CYP4F22: variants seen among roughly 807,000 people sequenced by gnomAD.
CYP4F22 encodes the protein ultra-long-chain fatty acid omega-hydroxylase.
In CYP4F22, 37 loss-of-function variants were observed where a neutral mutation model predicts 60.4. The ratio of observed to expected loss-of-function variants is 0.61; its 90% CI spans 0.47 to 0.81. The LOEUF is 0.81. Ranked by LOEUF, CYP4F22 falls within the 30% of genes least tolerant of loss-of-function variation. The pLI is 0.00. For missense variants in CYP4F22, 655 were observed against 715.0 expected, an observed-to-expected ratio of 0.92 and a Z score of 0.96; for synonymous variants, 258 against 280.5, an observed-to-expected ratio of 0.92 and a Z score of 0.80.
intron 10 of CYP4F22, among the ~76,000 whole-genome samples, chr19:15,547,714 T>C (rs777660203): frequency 1.3e-5 from 2 of 151,492 alleles, no homozygotes; most frequent in Non-Finnish European, 2.9e-5. Context: ...TCCCAGCTAC[T>C]TGGGAGGCTG....
intron 4 of CYP4F22, among the ~76,000 whole-genome samples, chr19:15,530,171 C>T (rs1971327489): frequency 6.6e-6 from 1 of 152,180 alleles, no homozygotes; most frequent in African/African-American, 2.4e-5. Flanking sequence ...GTGGCACGCC[C>T]ATCATTTGGT....
In CYP4F22 at chr19:15,525,541, C is replaced by G. The variant is rs1971273613; in HGVS notation, c.205C>G (p.Leu69Val). ...CCAGCCTCCCCGGCGCAACTGGCTG[C>G]TGGGCCACCTGGGCATGGTAAGTGT... ...FPQPPRRNWL[L>V]GHLGMYLPNE... The change falls in exon 3 of 14, where the codon CTG becomes GTG. Residue 69 changes from leucine (L) to valine (V), a missense_variant. Physicochemically the swap from Leu to Val is conservative, Grantham distance 32. This residue lies in a region of CYP4F22 where 430 missense variants were observed against 457.1 expected (regional missense o/e 0.94). Coordinates refer to ENST00000269703, the MANE Select transcript of CYP4F22 (RefSeq NM_173483.4). 6.8e-6 allele frequency: 11 copies of G among 1,608,700 alleles called. No homozygotes were observed. The African/African-American group carries it at 9.3e-5, about 14-fold the overall frequency.
Position 15,537,863 on chromosome 19 carries a change from C to G in CYP4F22, c.550-9C>G, listed in dbSNP as rs1971416265. 6.2e-7 allele frequency: 1 copy of G among 1,613,440 alleles called. No homozygotes were observed. Among genetic ancestry groups the G allele is most frequent in the African/African-American group, 1.3e-5 (1 of 74,924 alleles). On this transcript the variant is annotated splice_polypyrimidine_tract_variant and intron_variant, in intron 6 of 13. Coordinates refer to ENST00000269703, the MANE Select transcript of CYP4F22 (RefSeq NM_173483.4). ...TTCCATGCACAGTCACCATGTATCT[C>G]TCTTCCAGGCTAAATGGCGGCATCT...
Position 15,544,285 on chromosome 19 carries a change from T to A in CYP4F22, c.1136+6T>A, listed in dbSNP as rs1193844044. ...GAGCTGGAGGAGCTGGAGTGGTGAGTGTGGGGTCAGGGGAATGGAGGGGGC... is the reference window on the plus strand; with the variant it reads ...GAGCTGGAGGAGCTGGAGTGGTGAGAGTGGGGTCAGGGGAATGGAGGGGGC... On this transcript the variant is annotated splice_donor_region_variant and intron_variant, in intron 10 of 13. Transcript: ENST00000269703. 6.2e-7 allele frequency: 1 copy of A among 1,612,568 alleles called. No individual in the cohort carries two copies. The highest frequency in any genetic ancestry group is 2.2e-5 in the East Asian group (1 of 44,864).
chr19:15,542,551 T>A (rs956998819), intron 8 of CYP4F22, among the ~76,000 whole-genome samples: 21 of 152,172 alleles, frequency 1.4e-4, no homozygotes, highest in African/African-American at 1.9e-4. Context: ...AATTTTTTTT[T>A]AAATTAAATG....
intron 3 of CYP4F22, among the ~76,000 whole-genome samples, chr19:15,526,857 G>A (rs919241989): frequency 1.3e-5 from 2 of 150,608 alleles, no homozygotes; most frequent in African/African-American, 4.9e-5. Context: ...GGATCCTCCT[G>A]CCTCAGCCTC....
intron 12 of CYP4F22, 141 bp downstream of exon 12, chr19:15,549,343 A>C (rs1299820366): frequency 1.7e-5 from 14 of 802,706 alleles, no homozygotes; most frequent in Non-Finnish European, 2.1e-6. Context: ...TCACCCACTG[A>C]TTGTTAATTC....
intron 4 of CYP4F22, among the ~76,000 whole-genome samples, chr19:15,536,541 A>G (rs1938172511): frequency 6.6e-6 from 1 of 152,146 alleles, no homozygotes; most frequent in Non-Finnish European, 1.5e-5. Flanking sequence ...TCCTGGGGCC[A>G]TTCATGAGGG....
chr19:15,547,649 C>T (rs941613916), intron 10 of CYP4F22, among the ~76,000 whole-genome samples: 1 of 151,726 alleles, frequency 6.6e-6, no homozygotes, highest in South Asian at 2.1e-4. Context: ...ATGGAGAAAC[C>T]CTGTCTCTAC....
At chr19:15,516,746 T>C (rs1232410001) in intron 1 of CYP4F22, 4 of 633,760 alleles carry the variant, frequency 6.3e-6, no homozygotes, top group Admixed American at 2.9e-5. Flanking sequence ...GTATTCAACC[T>C]GGAATCCCTG....
intron 7 of CYP4F22, 75 bp from the exon 8 acceptor site, chr19:15,540,375 C>A: frequency 6.3e-7 from 1 of 1,591,624 alleles, no homozygotes. Flanking sequence ...GGACAGGAGG[C>A]TTATCTTAGC....
intron 7 of CYP4F22, among the ~76,000 whole-genome samples, chr19:15,539,737 G>T (rs925487596): frequency 6.6e-6 from 1 of 152,078 alleles, no homozygotes; most frequent in Non-Finnish European, 1.5e-5. Flanking sequence ...TGTTGTTGTT[G>T]TTTTGTTTGC....
chr19:15,519,916 G>A (rs1414106921), intron 1 of CYP4F22, among the ~76,000 whole-genome samples: 3 of 152,136 alleles, frequency 2.0e-5, no homozygotes, highest in South Asian at 2.1e-4. Context: ...TAGTCACCCC[G>A]AGGTACAAAC....
intron 11 of CYP4F22, among the ~76,000 whole-genome samples, chr19:15,548,744 G>T (rs1038393455): frequency 6.6e-6 from 1 of 152,116 alleles, no homozygotes; most frequent in Non-Finnish European, 1.5e-5. Flanking sequence ...GGCTTGGAGT[G>T]TGGAAGTGAA....
chr19:15,540,341 T>TTC, intron 7 of CYP4F22, 109 bp from the exon 8 acceptor site: 2 of 1,316,466 alleles, frequency 1.5e-6, no homozygotes, highest in Admixed American at 3.7e-5. Flanking sequence ...AATATAGGGC[T>TTC]TCTCTTTGTT....
At chr19:15,549,309 C>T (rs1167682375) in intron 12 of CYP4F22, 107 bp downstream of exon 12, 7 of 1,076,616 alleles carry the variant, frequency 6.5e-6, no homozygotes, top group African/African-American at 1.6e-5. Context: ...CACACCCCTC[C>T]CCACTCCGCA....
intron 8 of CYP4F22, among the ~76,000 whole-genome samples, chr19:15,543,146 G>A (rs1423427855): frequency 6.6e-6 from 1 of 152,156 alleles, no homozygotes; most frequent in Non-Finnish European, 1.5e-5. Context: ...TTCCACAATG[G>A]TTGAACTAAT....
rs1971269062 is a variant in CYP4F22 at position 15,525,320 on chromosome 19, C to T, written c.-1-16C>T. On this transcript the variant is annotated splice_polypyrimidine_tract_variant and intron_variant, in intron 2 of 13. Coordinates refer to ENST00000269703, the MANE Select transcript of CYP4F22 (RefSeq NM_173483.4). ...CTTGTGCATGGCACCGACCCCCTGA[C>T]CCTGTGTGTCCCCAGGATGCTGCCC... 6.2e-7 allele frequency: 1 copy of T among 1,611,182 alleles called. No individual in the cohort carries two copies. Among genetic ancestry groups the T allele is most frequent in the Non-Finnish European group, 8.5e-7 (1 of 1,179,196 alleles).
At chr19:15,528,186 C>T (rs775836281) in intron 3 of CYP4F22, among the ~76,000 whole-genome samples, 16 of 152,264 alleles carry the variant, frequency 1.1e-4, no homozygotes, top group Non-Finnish European at 1.6e-4. Flanking sequence ...GGCACAGTGG[C>T]TCACACCTGC....
Sources: gnomAD v4.1 joint callset for allele counts (sites outside exome capture counted in the v4.1 genomes callset) on GRCh38, gnomAD v4.1.1 for gene constraint, gnomAD v4.1.1 regional missense constraint, MANE v1.5 for transcripts, NCBI Gene and HGNC (gene_info 2026-07-23, HGNC 2026-07-21) for gene names.